The following GAS7 variants were observed in gnomAD, a reference collection of about 807,000 sequenced individuals.
GAS7 encodes growth arrest specific 7.
Under a neutral mutation model 71.1 loss-of-function variants are expected in GAS7, and 28 were observed. That is an observed-to-expected ratio of 0.39 (90% CI 0.29 to 0.54). The LOEUF (loss-of-function observed/expected upper bound fraction) is 0.54. Among genes scored for constraint, GAS7 ranks in the 20% least tolerant of loss-of-function variants. The pLI is 0.62. For missense variants in GAS7, 436 were observed against 627.8 expected, an observed-to-expected ratio of 0.69 and a Z score of 3.27; for synonymous variants, 258 against 245.8, an observed-to-expected ratio of 1.05 and a Z score of -0.46.
At chr17:9,927,563 C>T (rs1445749345) in intron 9 of GAS7, among the ~76,000 whole-genome samples, 1 of 152,054 alleles carries the variant, frequency 6.6e-6, no homozygotes, top group Non-Finnish European at 1.5e-5. Flanking sequence ...GCTTCTTGCA[C>T]GGCTTTGTTC....
rs1331987582 is a variant in GAS7, at chr17:9,969,820, C to G, written c.386-58G>C. The G allele has an allele frequency of 7.4e-6, 8 of 1,084,036 alleles. No homozygotes were observed. The highest frequency in any genetic ancestry group is 6.8e-5 in the Admixed American group (4 of 58,818). The allele number at this position is 1,084,036 out of a possible 1,614,324, so 67.2% of individuals were successfully genotyped here. ...GTGGGCCACAGATGGGCACCCCCGC[C>G]TTTCGTCCACTGCAGCCCCTTTTCC... is the stretch of plus-strand genomic sequence containing the variant. On this transcript the variant is annotated intron_variant, in intron 3 of 13. Transcript: ENST00000432992. This position sits in a 1 kb window ranked among gnomAD's most constrained non-coding sequence, Gnocchi z 5.5.
intron 1 of GAS7, among the ~76,000 whole-genome samples, chr17:10,143,919 G>A (rs2074102620): frequency 6.6e-6 from 1 of 152,180 alleles, no homozygotes; most frequent in African/African-American, 2.4e-5. Context: ...TGAGTGTGCT[G>A]GAAAATGGAA....
At chr17:10,039,555 C>A (rs547077598) in intron 1 of GAS7, among the ~76,000 whole-genome samples, 93 of 152,132 alleles carry the variant, frequency 6.1e-4, no homozygotes, top group East Asian at 3.9e-4. Flanking sequence ...TGGTGGCGGG[C>A]GCCTGTAATC....
intron 6 of GAS7, among the ~76,000 whole-genome samples, chr17:9,945,490 T>C (rs2068756818): frequency 6.6e-6 from 1 of 152,034 alleles, no homozygotes; most frequent in Non-Finnish European, 1.5e-5. Flanking sequence ...GATAAGCCCC[T>C]TTATACTGTT....
intron 2 of GAS7, among the ~76,000 whole-genome samples, chr17:9,983,085 T>G (rs1038257432): frequency 1.3e-4 from 20 of 151,794 alleles, no homozygotes; most frequent in African/African-American, 4.8e-4. Context: ...GTCATCACCA[T>G]CAACATTTTG....
intron 1 of GAS7, chr17:10,036,847 T>A: frequency 2.0e-6 from 1 of 512,150 alleles, no homozygotes; most frequent in Non-Finnish European, 2.7e-6. Flanking sequence ...CTTGTGTCAC[T>A]GAGCAGATGC....
intron 1 of GAS7, among the ~76,000 whole-genome samples, chr17:10,137,294 G>A (rs191310936): frequency 1.3e-5 from 2 of 151,864 alleles, no homozygotes; most frequent in Non-Finnish European, 2.9e-5. Context: ...TAAGTTCTCT[G>A]CTCCAATGTC....
chr17:10,016,602 C>CAAAAAAAAAAAAAA (rs1158379710), intron 2 of GAS7, among the ~76,000 whole-genome samples: 179 of 84,184 alleles, frequency 2.1e-3, no homozygotes, highest in East Asian at 3.5e-3. Context: ...CTGTCTCTAC[C>CAAAAAAAAAAAAAA]AAAAAAAAAA....
chr17:10,167,568 T>TG (rs2074305177), intron 1 of GAS7, among the ~76,000 whole-genome samples: 1 of 152,232 alleles, frequency 6.6e-6, no homozygotes, highest in Non-Finnish European at 1.5e-5. Context: ...TAGAGGGCAT[T>TG]GGCCCTATAA....
intron 2 of GAS7, among the ~76,000 whole-genome samples, chr17:9,984,283 G>A (rs190502933): frequency 1.1e-4 from 16 of 152,128 alleles, no homozygotes; most frequent in African/African-American, 2.9e-4. Flanking sequence ...ACTTGGTCTC[G>A]TAGGCCCCAA....
At chr17:9,930,917 A>G (rs1349553492) in intron 9 of GAS7, among the ~76,000 whole-genome samples, 1 of 152,240 alleles carries the variant, frequency 6.6e-6, no homozygotes, top group Non-Finnish European at 1.5e-5. Context: ...TCTGTTTTGC[A>G]TGACGGGTCT....
chr17:9,960,741 G>A (rs1025398322), intron 4 of GAS7, among the ~76,000 whole-genome samples: 4 of 152,184 alleles, frequency 2.6e-5, no homozygotes, highest in African/African-American at 4.8e-5. Flanking sequence ...TGCTAAGGTC[G>A]CATACCCTTA....
intron 1 of GAS7, among the ~76,000 whole-genome samples, chr17:10,133,620 A>G (rs1650972346): frequency 6.6e-6 from 1 of 152,104 alleles, no homozygotes; most frequent in African/African-American, 2.4e-5. Flanking sequence ...TATTAACTAT[A>G]GTCACCATTT....
At chr17:10,022,114 G>A (rs575316833) in intron 1 of GAS7, among the ~76,000 whole-genome samples, 60 of 152,216 alleles carry the variant, frequency 3.9e-4, no homozygotes, top group Admixed American at 5.2e-4. Flanking sequence ...AAAATTAGCC[G>A]GGTGTGGTGG....
At chr17:10,129,876 C>T (rs1420951992) in intron 1 of GAS7, among the ~76,000 whole-genome samples, 1 of 152,034 alleles carries the variant, frequency 6.6e-6, no homozygotes, top group Non-Finnish European at 1.5e-5. Context: ...GACCTTTCTC[C>T]AAAGAAGATA....
rs961939706 is a variant in GAS7, at chr17:9,915,072, AG to A, written c.*2155del. ...GGGAAGAAAGAAAGGAAGTACGTGA[AG>A]GGGGTAAAGAGAAGGAGGTGAGGGG... On this transcript the variant is annotated 3_prime_UTR_variant, in exon 14 of 14. Coordinates refer to ENST00000432992, the MANE Select transcript of GAS7 (RefSeq NM_201433.2). 3 of 230,416 alleles carry A rather than the reference AG, an allele frequency of 1.3e-5. No individual in the cohort carries two copies. Among genetic ancestry groups the A allele is most frequent in the African/African-American group, 6.6e-5 (3 of 45,156 alleles). The allele number at this position is 230,416 out of a possible 1,614,324, so 14.3% of individuals were successfully genotyped here. A position where few individuals can be genotyped will look rare whatever the true frequency, so the allele number is the denominator to read the frequency against.
intron 9 of GAS7, among the ~76,000 whole-genome samples, chr17:9,927,290 TACAC>T (rs371084335): frequency 0.048 from 5,623 of 116,848 alleles, 110 homozygotes; most frequent in Middle Eastern, 0.15. Flanking sequence ...CTCTACTACA[TACAC>T]ACACACACAC....
intron 1 of GAS7, among the ~76,000 whole-genome samples, chr17:10,177,491 G>T (rs911047880): frequency 6.6e-6 from 1 of 152,132 alleles, no homozygotes; most frequent in East Asian, 1.9e-4. Context: ...TCCCTGGCTC[G>T]GTGGAAACCC....
At chr17:9,944,740 A>T (rs1248518678) in intron 6 of GAS7, among the ~76,000 whole-genome samples, 2 of 152,178 alleles carry the variant, frequency 1.3e-5, no homozygotes, top group Admixed American at 1.3e-4. Flanking sequence ...GCAGTTTAAA[A>T]GCAATGTCCA....
Sources: allele counts gnomAD v4.1 joint callset (sites outside exome capture counted in the v4.1 genomes callset), GRCh38; gene constraint gnomAD v4.1.1; non-coding constraint Gnocchi (gnomAD v3.1); transcripts MANE v1.5; gene names NCBI Gene and HGNC (gene_info 2026-07-23, HGNC 2026-07-21).